UBIAD1: variants seen among roughly 807,000 people sequenced by gnomAD.
The protein encoded by UBIAD1 is UbiA prenyltransferase domain containing 1.
A neutral mutation model predicts 20.1 loss-of-function variants in UBIAD1; 12 were observed. The ratio of observed to expected loss-of-function variants is 0.60; its 90% CI spans 0.38 to 0.97. The LOEUF is 0.97. Among genes scored for constraint, UBIAD1 ranks in the 50% least tolerant of loss-of-function variants. The pLI is 0.00. For missense variants in UBIAD1, 333 were observed against 419.5 expected, an observed-to-expected ratio of 0.79 and a Z score of 1.80; for synonymous variants, 207 against 189.2, an observed-to-expected ratio of 1.09 and a Z score of -0.77.
intron 1 of UBIAD1, among the ~76,000 whole-genome samples, chr1:11,274,590 C>T (rs1005480369): frequency 1.3e-5 from 2 of 151,364 alleles, no homozygotes; most frequent in Non-Finnish European, 2.9e-5. Context: ...AGCCACCGCG[C>T]CCTGTCAGGA....
chr1:11,293,947 AC>A (rs1188809975), intron 1 of UBIAD1, among the ~76,000 whole-genome samples: 4 of 152,200 alleles, frequency 2.6e-5, no homozygotes, highest in African/African-American at 4.8e-5. Flanking sequence ...TGCTTGGATT[AC>A]AGGCATGAGC....
Position 11,276,083 on chromosome 1 carries a change from G to C in UBIAD1, c.529+2023G>C, listed in dbSNP as rs191036184. Among the ~76,000 whole-genome samples the C allele has an allele frequency of 3.9e-4, 59 of 152,260 alleles. No individual in the cohort carries two copies. The East Asian group carries it at 0.011, about 28-fold the overall frequency. On this transcript the variant is annotated intron_variant, in intron 1 of 1. Coordinates refer to ENST00000376810, the MANE Select transcript of UBIAD1 (RefSeq NM_013319.3). The stretch of plus-strand genomic sequence containing the variant: ...AGTGATGTAATATAATGTTTTAAAA[G>C]AATTGCTCTGGGTAAGGTATTGAGA...
At chr1:11,289,653 C>T (rs931594346), downstream of UBIAD1, among the ~76,000 whole-genome samples, 11 of 151,964 alleles carry the variant, frequency 7.2e-5, no homozygotes, top group African/African-American at 2.4e-4. Flanking sequence ...ACCTCTGCCT[C>T]CCGGATTCAA....
intron 1 of UBIAD1, chr1:11,294,723 C>T (rs1027275651): frequency 2.7e-5 from 19 of 694,234 alleles, no homozygotes; most frequent in African/African-American, 1.9e-4. Context: ...GCTGGCTGGG[C>T]GAAAGTTACA....
At chr1:11,279,134 G>T in intron 1 of UBIAD1, 1 of 218,954 alleles carries the variant, frequency 4.6e-6, no homozygotes. Context: ...AAAGTTCTGG[G>T]ATTATAGGTG....
chr1:11,291,470 G>C (rs1290104925), downstream of UBIAD1, among the ~76,000 whole-genome samples: 1 of 145,994 alleles, frequency 6.8e-6, no homozygotes, highest in Non-Finnish European at 1.5e-5. Flanking sequence ...AGCTGGGCGT[G>C]GTGGTGCACA....
Position 11,286,245 on chromosome 1 carries a change from C to T in UBIAD1, c.*114C>T, listed in dbSNP as rs1476683192. 2.9e-6 allele frequency: 4 copies of T among 1,366,626 alleles called. No individual in the cohort carries two copies. Among genetic ancestry groups the T allele is most frequent in the Non-Finnish European group, 4.1e-6 (4 of 982,296 alleles). The allele number at this position is 1,366,626 out of a possible 1,614,324, so 84.7% of individuals were successfully genotyped here. On this transcript the variant is annotated 3_prime_UTR_variant, in exon 2 of 2. Coordinates refer to ENST00000376810, the MANE Select transcript of UBIAD1 (RefSeq NM_013319.3). ...TCAGGGTACTAAGCATGGGTGGGAA[C>T]TCCTGCCTTATAAAAATTGTTTTTG...
Position 11,295,011 on chromosome 1 carries a change from C to T in UBIAD1, c.*128C>T, listed in dbSNP as rs1192086771. The stretch of plus-strand genomic sequence containing the variant: ...CCACCTTCGAGGAGAGGGAAGTGAG[C>T]CCCTTCCTGCCTCGGGGTGGGCAGC... On this transcript the variant is annotated 3_prime_UTR_variant, in exon 2 of 2. Coordinates refer to the UBIAD1 transcript ENST00000376804. 2.5e-5 allele frequency: 18 copies of T among 710,398 alleles called. No homozygotes were observed. The East Asian group carries it at 4.8e-4, about 19-fold the overall frequency. 44.0% of individuals were successfully genotyped at this position (710,398 alleles called of 1,614,324 possible).
exon 2 of UBIAD1, chr1:11,295,087 T>A: frequency 1.6e-6 from 1 of 623,560 alleles, no homozygotes; most frequent in Non-Finnish European, 2.9e-6. Flanking sequence ...TACTCAACTC[T>A]TCGGGTTCAG....
intron 1 of UBIAD1, chr1:11,294,743 C>A: frequency 1.4e-6 from 1 of 709,148 alleles, no homozygotes; most frequent in Non-Finnish European, 2.6e-6. Flanking sequence ...AAGTCAAAGT[C>A]TGCCCATCCC....
At chr1:11,293,164 T>C (rs567154122), downstream of UBIAD1, among the ~76,000 whole-genome samples, 2 of 151,784 alleles carry the variant, frequency 1.3e-5, no homozygotes, top group Non-Finnish European at 2.9e-5. Context: ...CCAGGCTGAG[T>C]GGGGTATCAC....
rs756014186 is a variant in UBIAD1, at chr1:11,273,494, C to T, written c.-38C>T. On this transcript the variant is annotated 5_prime_UTR_variant, in exon 1 of 2. Transcript: ENST00000376810. The surrounding 1 kb of genome is among the most constrained non-coding windows in gnomAD (Gnocchi z 4.9). ...CTTCCCGGGCGGTCACTGTGCGTGG[C>T]TCACTTTTAGAGTTTACTTCAACCA... 2.5e-6 allele frequency: 4 copies of T among 1,609,576 alleles called. No homozygotes were observed. The highest frequency in any genetic ancestry group is 1.7e-6 in the Non-Finnish European group (2 of 1,179,914).
At chr1:11,278,808 TA>T in intron 1 of UBIAD1, 1 of 486,008 alleles carries the variant, frequency 2.1e-6, no homozygotes, top group Non-Finnish European at 3.8e-6. Context: ...GTTACAAATC[TA>T]ACTGATGGGG....
At chr1:11,275,373 G>GA (rs1651981614) in intron 1 of UBIAD1, among the ~76,000 whole-genome samples, 1 of 151,794 alleles carries the variant, frequency 6.6e-6, no homozygotes, top group South Asian at 2.1e-4. Flanking sequence ...AGTGCTATGG[G>GA]AAAAAAAAGT....
chr1:11,278,277 T>G (rs1050529943), intron 1 of UBIAD1, among the ~76,000 whole-genome samples: 8 of 152,114 alleles, frequency 5.3e-5, no homozygotes, highest in Admixed American at 4.6e-4. Context: ...TTATTGAGAT[T>G]TTTAGTCTTT....
chr1:11,286,296 T>C lies in UBIAD1; in HGVS notation c.*165T>C. ...TGTTCTTAAAGATAATATGTTGTTTTTCTGTTTTTTGTTTTTTCCATTTTA... is the reference window on the plus strand; with the variant it reads ...TGTTCTTAAAGATAATATGTTGTTTCTCTGTTTTTTGTTTTTTCCATTTTA... On this transcript the variant is annotated 3_prime_UTR_variant, in exon 2 of 2. Transcript: ENST00000376810. The C allele has an allele frequency of 2.1e-6, 2 of 936,874 alleles. No homozygotes were observed. The highest frequency in any genetic ancestry group is 1.6e-6 in the Non-Finnish European group (1 of 633,360). The allele number at this position is 936,874 out of a possible 1,614,324, so 58.0% of individuals were successfully genotyped here.
At chr1:11,297,139 C>T (rs1017334539), downstream of UBIAD1, among the ~76,000 whole-genome samples, 6 of 152,332 alleles carry the variant, frequency 3.9e-5, no homozygotes, top group South Asian at 1.0e-3. Flanking sequence ...GTTGTATCCT[C>T]CCAGATTCAT....
At position 11,285,582 on chromosome 1, in the gene UBIAD1, T is replaced by C. The variant is rs1638247236; in HGVS notation, c.530-62T>C. ...CGGAAGTGGCCTGCCTCTTCACTGG[T>C]GAACAGTCCCTAAATTTCCAGCCTT... On this transcript the variant is annotated intron_variant, in intron 1 of 1. Transcript: ENST00000376810. This position sits in a 1 kb window ranked among gnomAD's most constrained non-coding sequence, Gnocchi z 4.4. 4.3e-6 allele frequency: 7 copies of C among 1,611,994 alleles called. 1 individual carries two copies. The South Asian group carries it at 7.7e-5, about 18-fold the overall frequency.
At chr1:11,293,109 G>T (rs1420744255), downstream of UBIAD1, among the ~76,000 whole-genome samples, 1 of 152,136 alleles carries the variant, frequency 6.6e-6, no homozygotes, top group African/African-American at 2.4e-5. Flanking sequence ...AGAAGATGCT[G>T]GAGCTCTGGG....
Sources: allele counts gnomAD v4.1 joint callset (sites outside exome capture counted in the v4.1 genomes callset), GRCh38; gene constraint gnomAD v4.1.1; non-coding constraint Gnocchi (gnomAD v3.1); transcripts MANE v1.5; gene names NCBI Gene and HGNC (gene_info 2026-07-23, HGNC 2026-07-21).